Variants in SGCZ observed in about 807,000 individuals in gnomAD.
SGCZ encodes zeta-sarcoglycan.
In SGCZ, 40 loss-of-function variants were observed where a neutral mutation model predicts 41.3. That is an observed-to-expected ratio of 0.97 (90% CI 0.75 to 1.26). SGCZ has a LOEUF of 1.26. Ranked by LOEUF, SGCZ falls within the 50% of genes most tolerant of loss-of-function variation. The pLI, the probability that SGCZ is intolerant of heterozygous loss-of-function variation, is 0.00. For missense variants in SGCZ, 552 were observed against 369.8 expected, an observed-to-expected ratio of 1.49 and a Z score of -4.04; for synonymous variants, 206 against 137.5, an observed-to-expected ratio of 1.50 and a Z score of -3.49.
At chr8:14,852,913 G>A (rs1803386199) in intron 1 of SGCZ, among the ~76,000 whole-genome samples, 1 of 152,100 alleles carries the variant, frequency 6.6e-6, no homozygotes, top group Non-Finnish European at 1.5e-5. Context: ...AAACACATAT[G>A]TTACTATTTC....
In SGCZ at chr8:14,646,009, C is replaced by A. The variant is rs554164866; in HGVS notation, c.40-91083G>T. Among the ~76,000 whole-genome samples the A allele has an allele frequency of 2.2e-3, 228 of 103,286 alleles. 1 individual carries two copies. The highest frequency in any genetic ancestry group is 6.3e-3 in the African/African-American group (191 of 30,284). 67.8% of individuals were successfully genotyped at this position (103,286 alleles called of 152,430 possible). On this transcript the variant is annotated intron_variant, in intron 1 of 7. Transcript: ENST00000382080. ...AAATTCAGAATCTCAGAATCTTGAA[C>A]AAATTAAAGTAGCTTGTAGAGATAG...
At chr8:14,654,500 G>A (rs1412430322) in intron 1 of SGCZ, among the ~76,000 whole-genome samples, 2 of 152,124 alleles carry the variant, frequency 1.3e-5, no homozygotes, top group Non-Finnish European at 2.9e-5. Flanking sequence ...TTGCCAATAT[G>A]TAGCAAGCAC....
chr8:14,274,919 A>G (rs12545677), intron 3 of SGCZ, among the ~76,000 whole-genome samples: 36,562 of 151,996 alleles, frequency 0.24, 5,169 homozygotes, highest in South Asian at 0.45. Context: ...CATTTGTTCC[A>G]TAGAGTTTTG....
At chr8:14,644,377 C>T (rs1326821424) in intron 1 of SGCZ, among the ~76,000 whole-genome samples, 2 of 151,798 alleles carry the variant, frequency 1.3e-5, no homozygotes, top group Non-Finnish European at 2.9e-5. Context: ...GCTGACCTTC[C>T]AGCAAGCTGC....
chr8:14,696,613 T>A (rs1180466573), intron 1 of SGCZ, among the ~76,000 whole-genome samples: 1 of 152,132 alleles, frequency 6.6e-6, no homozygotes, highest in East Asian at 1.9e-4. Context: ...TCAACATTTA[T>A]CGTTATGACC....
At chr8:14,844,787 A>G (rs1803044148) in intron 1 of SGCZ, among the ~76,000 whole-genome samples, 1 of 152,228 alleles carries the variant, frequency 6.6e-6, no homozygotes, top group Non-Finnish European at 1.5e-5. Flanking sequence ...CAACAGAGAA[A>G]TTATCTGAAA....
chr8:14,747,875 A>C (rs2247664), intron 1 of SGCZ, among the ~76,000 whole-genome samples: 1 of 145,206 alleles, frequency 6.9e-6, no homozygotes, highest in African/African-American at 2.5e-5. Flanking sequence ...ACCACAACTG[A>C]CTAATTTTTT....
chr8:15,023,203 T>C (rs1211514894), intron 1 of SGCZ, among the ~76,000 whole-genome samples: 2 of 152,130 alleles, frequency 1.3e-5, no homozygotes, highest in African/African-American at 4.8e-5. Flanking sequence ...TGAGAGGGGC[T>C]TCTTCTGTGA....
At chr8:14,377,106 A>C (rs1423694886) in intron 2 of SGCZ, among the ~76,000 whole-genome samples, 1 of 152,194 alleles carries the variant, frequency 6.6e-6, no homozygotes, top group Non-Finnish European at 1.5e-5. Flanking sequence ...ACCGGGTTGC[A>C]AGAAGAACGA....
In SGCZ at chr8:14,677,497, C is replaced by A. The variant is rs139605802; in HGVS notation, c.40-122571G>T. On this transcript the variant is annotated intron_variant, in intron 1 of 7. Coordinates refer to ENST00000382080, the MANE Select transcript of SGCZ (RefSeq NM_139167.4). ...ACAAACTGATTCTATATGGGCCGGG[C>A]GGGGTGGCTCACACCTGTAATCCAG... Among the ~76,000 whole-genome samples, 383 of 152,116 alleles carry A rather than the reference C, an allele frequency of 2.5e-3. 1 individual carries two copies. The highest frequency in any genetic ancestry group is 4.5e-3 in the Non-Finnish European group (306 of 67,974).
At chr8:15,088,164 T>C (rs1806019130) in intron 1 of SGCZ, among the ~76,000 whole-genome samples, 1 of 152,132 alleles carries the variant, frequency 6.6e-6, no homozygotes. Context: ...TTTTTGGTGT[T>C]TGATCATATT....
intron 1 of SGCZ, among the ~76,000 whole-genome samples, chr8:14,723,997 C>G (rs894444239): frequency 1.3e-5 from 2 of 151,922 alleles, no homozygotes; most frequent in East Asian, 1.9e-4. Context: ...GAAGGAATAG[C>G]CTACTGCAAT....
chr8:14,802,550 C>T (rs1370583438), intron 1 of SGCZ, among the ~76,000 whole-genome samples: 2 of 152,144 alleles, frequency 1.3e-5, no homozygotes, highest in East Asian at 1.9e-4. Context: ...TGATCATTTG[C>T]TGCCGCCTTT....
Position 15,123,987 on chromosome 8 carries a change from C to T in SGCZ, c.39+113598G>A, listed in dbSNP as rs143363774. 4.0e-3 allele frequency among the ~76,000 whole-genome samples: 605 copies of T among 152,216 alleles called. 2 individuals are homozygous for T. Among genetic ancestry groups the T allele is most frequent in the Non-Finnish European group, 7.0e-3 (479 of 67,988 alleles). On this transcript the variant is annotated intron_variant, in intron 1 of 7. Transcript: ENST00000382080. Reference sequence around the variant, plus strand: ...AAAGAGGGAACATTGGACAGGTAGGCGGGGCAGATTGCAAATGGCCTGGCA... The same window carrying T: ...AAAGAGGGAACATTGGACAGGTAGGTGGGGCAGATTGCAAATGGCCTGGCA...
chr8:14,686,670 G>A (rs888596070), intron 1 of SGCZ, among the ~76,000 whole-genome samples: 1 of 152,058 alleles, frequency 6.6e-6, no homozygotes, highest in African/African-American at 2.4e-5. Context: ...TAGACATGTT[G>A]CAGGGGCTGA....
intron 2 of SGCZ, among the ~76,000 whole-genome samples, chr8:14,397,607 G>C (rs1237277837): frequency 1.3e-5 from 2 of 152,030 alleles, no homozygotes; most frequent in African/African-American, 4.8e-5. Context: ...CACAAATAAA[G>C]CATACCATTA....
intron 3 of SGCZ, among the ~76,000 whole-genome samples, chr8:14,285,666 C>G (rs925535236): frequency 6.6e-6 from 1 of 152,014 alleles, no homozygotes; most frequent in Non-Finnish European, 1.5e-5. Context: ...ACAAAGAAGT[C>G]CTGACTATCC....
intron 2 of SGCZ, among the ~76,000 whole-genome samples, chr8:14,552,650 G>A (rs998005899): frequency 2.6e-5 from 4 of 151,962 alleles, no homozygotes; most frequent in African/African-American, 9.7e-5. Flanking sequence ...AGAGCTCCAT[G>A]GGTGACAGGA....
intron 1 of SGCZ, among the ~76,000 whole-genome samples, chr8:14,620,794 T>G (rs574634994): frequency 6.6e-6 from 1 of 152,244 alleles, no homozygotes; most frequent in Non-Finnish European, 1.5e-5. Context: ...AAACAACAGG[T>G]GCTGGAAAGG....
Sources: gnomAD v4.1 joint callset for allele counts (sites outside exome capture counted in the v4.1 genomes callset) on GRCh38, gnomAD v4.1.1 for gene constraint, MANE v1.5 for transcripts, NCBI Gene and HGNC (gene_info 2026-07-23, HGNC 2026-07-21) for gene names.